BANK1: variants seen among roughly 807,000 people sequenced by gnomAD.
The protein encoded by BANK1 is B cell scaffold protein with ankyrin repeats 1, also known as B-cell scaffold protein with ankyrin repeats.
A neutral mutation model predicts 94.5 loss-of-function variants in BANK1; 95 were observed. The ratio of observed to expected loss-of-function variants is 1.00; its 90% CI spans 0.85 to 1.19. The LOEUF (loss-of-function observed/expected upper bound fraction) is 1.19, where lower values mean the gene tolerates loss of function less well. Among genes scored for constraint, BANK1 ranks in the 50% most tolerant of loss-of-function variants. The pLI is 0.00. For synonymous variants in BANK1, 334 were observed against 308.4 expected (o/e 1.08, Z -0.87); for missense variants, 987 against 932.2 (o/e 1.06, Z -0.77).
At chr4:102,000,322 C>CAAAAAAAAAAAAAAAAAA (rs3974642) in intron 7 of BANK1, among the ~76,000 whole-genome samples, 1 of 66,102 alleles carries the variant, frequency 1.5e-5, no homozygotes, top group Non-Finnish European at 2.8e-5. Context: ...AACTCTGTCT[C>CAAAAAAAAAAAAAAAAAA]AAAAAAAAAA....
chr4:102,020,836 T>C (rs1200379299), intron 7 of BANK1, among the ~76,000 whole-genome samples: 1 of 152,148 alleles, frequency 6.6e-6, no homozygotes, highest in Admixed American at 6.5e-5. Flanking sequence ...TAGATGCTTT[T>C]GCACAAATAG....
intron 7 of BANK1, among the ~76,000 whole-genome samples, chr4:101,954,116 TTCACAA>T (rs1261471744): frequency 6.6e-6 from 1 of 152,168 alleles, no homozygotes; most frequent in Non-Finnish European, 1.5e-5. Flanking sequence ...TGCCTCGGTC[TTCACAA>T]TATGTTTTCC....
chr4:102,024,534 AT>A (rs1461615101), intron 8 of BANK1, among the ~76,000 whole-genome samples: 1 of 152,088 alleles, frequency 6.6e-6, no homozygotes, highest in Non-Finnish European at 1.5e-5. Context: ...AGTAGAGGGA[AT>A]TTGGATCATT....
intron 6 of BANK1, among the ~76,000 whole-genome samples, chr4:101,902,982 G>C (rs185422159): frequency 6.6e-6 from 1 of 152,200 alleles, no homozygotes. Context: ...TCAATTAACT[G>C]TGTGGAATGA....
In BANK1 at chr4:102,060,312, A is replaced by C; in HGVS notation, c.2071A>C (p.Lys691Gln). 1 of 1,609,958 alleles carries C rather than the reference A, an allele frequency of 6.2e-7. No individual in the cohort carries two copies. Residue 691 changes from lysine to glutamine, a missense_variant, in exon 12 of 17, where the codon AAA becomes CAA. Coordinates refer to ENST00000322953, the MANE Select transcript of BANK1 (RefSeq NM_017935.5). ...ILLQEKVKNG[K>Q]MSMDEALEKF... ...CCTGCAGGAGAAAGTAAAGAATGGG[A>C]AAATGTCTATGGATGAAGCTCTGGA...
intron 7 of BANK1, among the ~76,000 whole-genome samples, chr4:101,922,061 A>G (rs73836649): frequency 8.1e-4 from 115 of 142,744 alleles, no homozygotes; most frequent in African/African-American, 2.9e-3. Flanking sequence ...TGTGTGAGAC[A>G]GAGAGATTTT....
intron 13 of BANK1, among the ~76,000 whole-genome samples, chr4:102,063,788 C>A (rs1274358347): frequency 2.1e-5 from 3 of 146,082 alleles, no homozygotes; most frequent in Non-Finnish European, 4.5e-5. Context: ...CATTACACGC[C>A]AGCCTGGGTG....
chr4:101,997,255 C>A (rs919271885), intron 7 of BANK1, among the ~76,000 whole-genome samples: 1 of 152,096 alleles, frequency 6.6e-6, no homozygotes, highest in Non-Finnish European at 1.5e-5. Context: ...TATATTGAAC[C>A]AGTCTTGCAT....
intron 2 of BANK1, among the ~76,000 whole-genome samples, chr4:101,834,414 A>T (rs1387512050): frequency 6.6e-6 from 1 of 152,196 alleles, no homozygotes; most frequent in Non-Finnish European, 1.5e-5. Context: ...GAGGTACAAG[A>T]ATGCAACCAG....
At chr4:101,870,742 G>A in intron 5 of BANK1, 98 bp downstream of exon 5, 3 of 1,325,078 alleles carry the variant, frequency 2.3e-6, no homozygotes, top group Non-Finnish European at 2.0e-6. Context: ...AATGTGGATT[G>A]AATAACAGTG....
intron 7 of BANK1, among the ~76,000 whole-genome samples, chr4:101,925,986 A>G (rs1212581672): frequency 6.6e-6 from 1 of 151,762 alleles, no homozygotes; most frequent in African/African-American, 2.4e-5. Context: ...TCCTTTCAGA[A>G]GGAAAATATG....
At chr4:101,838,454 C>G (rs1484687468) in intron 2 of BANK1, among the ~76,000 whole-genome samples, 1 of 152,064 alleles carries the variant, frequency 6.6e-6, no homozygotes, top group Non-Finnish European at 1.5e-5. Context: ...ATGATTTCCT[C>G]TTTATTTTTG....
At chr4:102,030,318 G>A (rs943210809) in intron 10 of BANK1, 53 bp downstream of exon 10, 2 of 1,490,274 alleles carry the variant, frequency 1.3e-6, no homozygotes, top group Non-Finnish European at 1.8e-6. Flanking sequence ...CCAAAATTTT[G>A]AGGATGGGAG....
At chr4:101,911,482 T>C (rs1722662684) in intron 6 of BANK1, among the ~76,000 whole-genome samples, 1 of 152,208 alleles carries the variant, frequency 6.6e-6, no homozygotes, top group South Asian at 2.1e-4. Flanking sequence ...TTTGTCCTTA[T>C]GGGTAAATAC....
intron 5 of BANK1, among the ~76,000 whole-genome samples, chr4:101,886,345 G>A (rs1728854666): frequency 6.6e-6 from 1 of 152,154 alleles, no homozygotes. Flanking sequence ...GCAAGGCAAA[G>A]AAGGGAAGGG....
At chr4:101,845,013 C>T (rs115132540) in intron 2 of BANK1, among the ~76,000 whole-genome samples, 3,897 of 151,898 alleles carry the variant, frequency 0.026, 172 homozygotes, top group African/African-American at 0.09. Flanking sequence ...AGCTGAGGAT[C>T]GGATATACTT....
chr4:101,972,201 A>T (rs946492735), intron 7 of BANK1, among the ~76,000 whole-genome samples: 24 of 152,018 alleles, frequency 1.6e-4, no homozygotes, highest in African/African-American at 5.8e-4. Flanking sequence ...CACCTTTTTG[A>T]TTAAATTTAT....
chr4:101,799,769 G>A (rs1725292220), intron 1 of BANK1, among the ~76,000 whole-genome samples: 1 of 152,168 alleles, frequency 6.6e-6, no homozygotes, highest in Non-Finnish European at 1.5e-5. Flanking sequence ...AGCTACTTGG[G>A]AGGCTGAGGC....
intron 11 of BANK1, among the ~76,000 whole-genome samples, chr4:102,047,611 A>T (rs1727922756): frequency 6.6e-6 from 1 of 152,154 alleles, no homozygotes; most frequent in Non-Finnish European, 1.5e-5. Flanking sequence ...CTTTGGAAAG[A>T]ATGAAGAGAG....
Sources: allele counts gnomAD v4.1 joint callset (sites outside exome capture counted in the v4.1 genomes callset), GRCh38; gene constraint gnomAD v4.1.1; transcripts MANE v1.5; gene names NCBI Gene and HGNC (gene_info 2026-07-23, HGNC 2026-07-21).